Variants in KIR3DL2 observed in about 807,000 individuals in gnomAD.
KIR3DL2 encodes the protein killer cell immunoglobulin-like receptor 3DL2.
KIR3DL2 carries 42 observed loss-of-function variants against 41.6 expected under a neutral mutation model. That is an observed-to-expected ratio of 1.01 (90% CI 0.79 to 1.31). The LOEUF (loss-of-function observed/expected upper bound fraction) is 1.31, where lower values mean the gene tolerates loss of function less well. Ranked by LOEUF, KIR3DL2 falls within the 50% of genes most tolerant of loss-of-function variation. KIR3DL2 has a pLI of 0.00. For missense variants in KIR3DL2, 728 were observed against 576.8 expected, an observed-to-expected ratio of 1.26 and a Z score of -2.68; for synonymous variants, 230 against 221.3, an observed-to-expected ratio of 1.04 and a Z score of -0.35.
intron 6 of KIR3DL2, among the ~76,000 whole-genome samples, chr19:54,862,886 G>A (rs1246998898): frequency 1.6e-5 from 2 of 126,656 alleles, no homozygotes; most frequent in Admixed American, 9.3e-5. Flanking sequence ...TTAAGTTTTA[G>A]GGTACATGTG....
chr19:54,853,940 TC>T lies in KIR3DL2; in HGVS notation c.552del (p.Leu185Ter). The T allele has an allele frequency of 6.2e-7, 1 of 1,613,414 alleles. No individual in the cohort carries two copies. Among genetic ancestry groups the T allele is most frequent in the South Asian group, 1.1e-5 (1 of 91,084 alleles). ...TCTCCAAGGCCAACTTCTCCATCGGTCCCTTGATGCCTGTCCTTGCAGGAAC... is the reference window on the plus strand; with the variant it reads ...TCTCCAAGGCCAACTTCTCCATCGGTCCTTGATGCCTGTCCTTGCAGGAAC... Reference protein sequence around the residue: ...GVSKANFSIGPLMPVLAGTYR... With the variant: ...GVSKANFSIGXLMPVLAGTYR... On this transcript the variant is annotated frameshift_variant, in exon 4 of 9. Transcript: ENST00000326321. LOFTEE classifies it high-confidence loss of function.
intron 5 of KIR3DL2, among the ~76,000 whole-genome samples, chr19:54,856,321 G>C (rs1354346923): frequency 6.6e-6 from 1 of 151,636 alleles, no homozygotes; most frequent in Non-Finnish European, 1.5e-5. Flanking sequence ...AATATTTATT[G>C]AGGTTAAATG....
rs2065544411 is a variant in KIR3DL2, at chr19:54,866,616, C to T, written c.1253C>T (p.Pro418Leu). 1 of 1,614,000 alleles carries T rather than the reference C, an allele frequency of 6.2e-7. No individual in the cohort carries two copies. The highest frequency in any genetic ancestry group is 1.3e-5 in the African/African-American group (1 of 75,030). The change falls in exon 9 of 9, where the codon CCC becomes CTC. Residue 418 changes from proline (P) to leucine (L), a missense_variant. Transcript: ENST00000326321. ...QRKISRPSQR[P>L]KTPLTDTSVY... is the part of the protein sequence containing the mutation. Reference sequence around the variant, plus strand: ...AAAATCAGTCGCCCTTCTCAGAGGCCCAAGACACCCCTAACAGATACCAGC... The same window carrying T: ...AAAATCAGTCGCCCTTCTCAGAGGCTCAAGACACCCCTAACAGATACCAGC...
Position 54,857,433 on chromosome 19 carries a change from T to C in KIR3DL2, c.949+1521T>C, listed in dbSNP as rs573206178. ...AGATTTTCCATACTTTTCTCCATAA[T>C]AGTTGTACTAATTTACATTCCTACC... On this transcript the variant is annotated intron_variant, in intron 5 of 8. Transcript: ENST00000326321. 9.5e-4 allele frequency among the ~76,000 whole-genome samples: 144 copies of C among 151,590 alleles called. No individual in the cohort carries two copies. The Middle Eastern group carries it at 0.01, about 11-fold the overall frequency.
intron 6 of KIR3DL2, among the ~76,000 whole-genome samples, chr19:54,862,291 A>C (rs2065230902): frequency 1.3e-5 from 2 of 152,056 alleles, no homozygotes; most frequent in Non-Finnish European, 2.9e-5. Flanking sequence ...TGGAGAATGT[A>C]ATTTGAGTCA....
chr19:54,853,908 G>C lies in KIR3DL2; in HGVS notation c.517G>C (p.Asp173His). 6 of 1,613,422 alleles carry C rather than the reference G, an allele frequency of 3.7e-6. No homozygotes were observed. The highest frequency in any genetic ancestry group is 5.1e-6 in the Non-Finnish European group (6 of 1,179,850). ...CTCACGCCTCGTTGGACAGATCCAT[G>C]ATGGGGTCTCCAAGGCCAACTTCTC... Reference protein sequence around the residue: ...DPSRLVGQIHDGVSKANFSIG... With the variant: ...DPSRLVGQIHHGVSKANFSIG... The change falls in exon 4 of 9, where the codon GAT becomes CAT. Residue 173 changes from aspartate (D) to histidine (H), a missense_variant. Transcript: ENST00000326321.
At chr19:54,852,974 G>A (rs2064413383) in intron 3 of KIR3DL2, among the ~76,000 whole-genome samples, 1 of 149,476 alleles carries the variant, frequency 6.7e-6, no homozygotes, top group Non-Finnish European at 1.5e-5. Flanking sequence ...AGCCAGGTGT[G>A]GTGGTGGGCA....
In KIR3DL2 at chr19:54,850,657, G is replaced by A. The variant is rs1297769533; in HGVS notation, c.34+148G>A. The stretch of plus-strand genomic sequence containing the variant: ...ATATGGGCCTGGAGGTGTAAATATG[G>A]GCCTGGAGTGGAGATATGGGCCTGG... On this transcript the variant is annotated intron_variant, in intron 1 of 8. Transcript: ENST00000326321. The A allele has an allele frequency of 8.0e-6, 10 of 1,247,656 alleles. No homozygotes were observed. The African/African-American group carries it at 1.2e-4, about 16-fold the overall frequency. The allele number at this position is 1,247,656 out of a possible 1,614,324, so 77.3% of individuals were successfully genotyped here.
At chr19:54,857,332 G>T (rs1199173416) in intron 5 of KIR3DL2, among the ~76,000 whole-genome samples, 3 of 151,402 alleles carry the variant, frequency 2.0e-5, no homozygotes, top group African/African-American at 4.9e-5. Context: ...CTCAAGTGAG[G>T]TGCCTGCCTC....
Position 54,861,093 on chromosome 19 carries a change from G to A in KIR3DL2, c.1000+1964G>A, listed in dbSNP as rs1308912842. Among the ~76,000 whole-genome samples, 16 of 148,564 alleles carry A rather than the reference G, an allele frequency of 1.1e-4. No homozygotes were observed. The South Asian group carries it at 1.5e-3, about 14-fold the overall frequency. On this transcript the variant is annotated intron_variant, in intron 6 of 8. Coordinates refer to ENST00000326321, the MANE Select transcript of KIR3DL2 (RefSeq NM_006737.4). The stretch of plus-strand genomic sequence containing the variant: ...TTGCATAACTGGAATCTAGGAGACC[G>A]TGGAAAAGGCAATTGCCGCCCCACT...
rs1315973486 is a variant in KIR3DL2 at position 54,855,622 on chromosome 19, T to C, written c.659T>C (p.Leu220Pro). ...SDPLDIVITG[L>P]YEKPSLSAQP... ...AAACTGCCTCTTCTCCTTCCAGGTC[T>C]ATATGAGAAACCTTCTCTCTCAGCC... Residue 220 changes from leucine to proline, a missense_variant, in exon 5 of 9, where the codon CTA (leucine) becomes CCA (proline). Coordinates refer to ENST00000326321, the MANE Select transcript of KIR3DL2 (RefSeq NM_006737.4). 32 of 1,612,784 alleles carry C rather than the reference T, an allele frequency of 2.0e-5. 1 individual carries two copies. Among genetic ancestry groups the C allele is most frequent in the South Asian group, 9.9e-5 (9 of 91,050 alleles).
rs534718773 is a variant in KIR3DL2 at position 54,865,070 on chromosome 19, G to A, written c.1001-735G>A. Among the ~76,000 whole-genome samples the A allele has an allele frequency of 1.2e-4, 18 of 152,138 alleles. No homozygotes were observed. The South Asian group carries it at 2.3e-3, about 19-fold the overall frequency. On this transcript the variant is annotated intron_variant, in intron 6 of 8. Coordinates refer to ENST00000326321, the MANE Select transcript of KIR3DL2 (RefSeq NM_006737.4). ...TTATTGAGAGTTTTTAGCATGAAGC[G>A]TTGTTGAATTTTGTCAAAGGCCTTT...
intron 6 of KIR3DL2, among the ~76,000 whole-genome samples, chr19:54,862,528 C>T (rs62123385): frequency 0.4 from 60,108 of 151,712 alleles, 12,011 homozygotes; most frequent in South Asian, 0.44. Flanking sequence ...TACATTTCAA[C>T]GTGAGCCAGT....
At chr19:54,851,161 G>T (rs1390796363) in intron 1 of KIR3DL2, 59 bp from the exon 2 acceptor site, 1 of 1,594,956 alleles carries the variant, frequency 6.3e-7, no homozygotes, top group Non-Finnish European at 8.6e-7. Flanking sequence ...TGCAGTGGGG[G>T]CAGCAGGGTG....
intron 2 of KIR3DL2, 27 bp from the exon 3 acceptor site, chr19:54,851,971 C>T: frequency 6.2e-7 from 1 of 1,604,424 alleles, no homozygotes; most frequent in Non-Finnish European, 8.5e-7. Context: ...ATCCTCCTCT[C>T]TAAGGCAGTG....
chr19:54,862,833 C>A (rs561349468), intron 6 of KIR3DL2, among the ~76,000 whole-genome samples: 64 of 76,564 alleles, frequency 8.4e-4, no homozygotes, highest in African/African-American at 3.1e-3. Flanking sequence ...TTGTATAGTG[C>A]TTCTGATGAG....
rs540202245 is a variant in KIR3DL2 at position 54,866,398 on chromosome 19, G to T, written c.1134G>T (p.Ala378=). 3.1e-6 allele frequency: 5 copies of T among 1,613,676 alleles called. No individual in the cohort carries two copies. In the Admixed American group the frequency reaches 5.0e-5, roughly 16 times the overall value. ...CTGCTGTAATGGACCAAGAGCCTGC[G>T]GGGGACAGAACAGTGAATAGGCAGG... is the stretch of plus-strand genomic sequence containing the variant. ...KNAAVMDQEP[A]GDRTVNRQDS... The change falls in exon 8 of 9, where the codon GCG becomes GCT. Residue 378 remains alanine, a synonymous_variant. Transcript: ENST00000326321.
In KIR3DL2 at chr19:54,855,895, T is replaced by G. The variant is rs2145621243; in HGVS notation, c.932T>G (p.Leu311Arg). Residue 311 changes from leucine (L) to arginine (R), a missense_variant, in exon 5 of 9, where the codon CTG becomes CGG. Physicochemically the swap from Leu to Arg is moderately radical, Grantham distance 102 (BLOSUM62 -2). Transcript: ENST00000326321. ...PCVWSNSSDPLLVSVTGNPSS... is the reference protein window; with the variant it reads ...PCVWSNSSDPRLVSVTGNPSS... ...GTGTGGTCAAACTCAAGTGACCCAC[T>G]GCTTGTTTCTGTCACAGGTGAGGAA... The G allele has an allele frequency of 6.2e-7, 1 of 1,613,602 alleles. No homozygotes were observed. Among genetic ancestry groups the G allele is most frequent in the East Asian group, 2.2e-5 (1 of 44,880 alleles).
At chr19:54,853,661 T>C in intron 3 of KIR3DL2, 86 bp from the exon 4 acceptor site, 2 of 1,476,788 alleles carry the variant, frequency 1.4e-6, no homozygotes, top group South Asian at 2.3e-5. Context: ...GACAGACCTC[T>C]GGGAGGGGAA....
Sources: allele counts gnomAD v4.1 joint callset (sites outside exome capture counted in the v4.1 genomes callset), GRCh38; gene constraint gnomAD v4.1.1; transcripts MANE v1.5; gene names NCBI Gene and HGNC (gene_info 2026-07-23, HGNC 2026-07-21).